Variants in BRAF observed in about 807,000 individuals in gnomAD.
BRAF encodes the protein serine/threonine-protein kinase B-raf.
In BRAF, 16 loss-of-function variants were observed where a neutral mutation model predicts 104.6. The ratio of observed to expected loss-of-function variants is 0.15; its 90% confidence interval spans 0.10 to 0.23. The LOEUF is 0.23. Among genes scored for constraint, BRAF ranks in the 10% least tolerant of loss-of-function variants. The pLI, the probability that BRAF is intolerant of heterozygous loss-of-function variation, is 1.00. For missense variants in BRAF, 541 were observed against 937.3 expected (o/e 0.58, Z 5.52); for synonymous variants, 310 against 341.6 (o/e 0.91, Z 1.02).
chr7:140,767,162 C>A (rs1025407646), intron 14 of BRAF, among the ~76,000 whole-genome samples: 40 of 152,032 alleles, frequency 2.6e-4, no homozygotes, highest in African/African-American at 9.6e-4. Context: ...GACCACCACG[C>A]CTGGCTAATT....
At chr7:140,768,322 C>G (rs556736365) in intron 14 of BRAF, among the ~76,000 whole-genome samples, 1 of 152,266 alleles carries the variant, frequency 6.6e-6, no homozygotes, top group East Asian at 1.9e-4. Context: ...CATAATCAGA[C>G]CCATTAAAAC....
At chr7:140,733,705 A>C (rs566068905) in intron 19 of BRAF, 1 of 152,502 alleles carries the variant, frequency 6.6e-6, no homozygotes, top group South Asian at 2.1e-4. Context: ...TCTAATAACA[A>C]CTTTAAAAAA....
At chr7:140,910,379 C>G (rs939976808) in intron 1 of BRAF, among the ~76,000 whole-genome samples, 4 of 152,244 alleles carry the variant, frequency 2.6e-5, no homozygotes, top group Admixed American at 2.0e-4. Context: ...CCCATGTCTT[C>G]TTGATCTGTT....
chr7:140,891,615 C>A (rs140943309), intron 1 of BRAF, among the ~76,000 whole-genome samples: 1 of 152,160 alleles, frequency 6.6e-6, no homozygotes, highest in East Asian at 1.9e-4. Context: ...TTGGGTGGGG[C>A]AATTCTTTGC....
Position 140,733,771 on chromosome 7 carries a change from G to A in BRAF, c.2401+846C>T, listed in dbSNP as rs71645995. ...ATCTCAAAGAAAAACACACCTAAAAGTTCTCACAGAATTCTGTGAAGATTT... is the reference window on the plus strand; with the variant it reads ...ATCTCAAAGAAAAACACACCTAAAAATTCTCACAGAATTCTGTGAAGATTT... On this transcript the variant is annotated intron_variant, in intron 19 of 19. Transcript: ENST00000644969. 24 of 158,990 alleles carry A rather than the reference G, an allele frequency of 1.5e-4. No individual in the cohort carries two copies. In the East Asian group the frequency reaches 3.9e-3, roughly 26 times the overall value. The allele number at this position is 158,990 out of a possible 1,614,324, so 9.8% of individuals were successfully genotyped here.
chr7:140,844,507 C>A (rs17622717), intron 2 of BRAF, among the ~76,000 whole-genome samples: 8,487 of 152,262 alleles, frequency 0.056, 283 homozygotes, highest in South Asian at 0.11. Flanking sequence ...TCTTAACTGT[C>A]CACTCATATT....
Position 140,801,402 on chromosome 7 carries a change from G to T in BRAF, c.860+10C>A. On this transcript the variant is annotated intron_variant, in intron 6 of 19. Transcript: ENST00000644969. ...GGTAGGTAGAAAAGAGATATTTTTG[G>T]ATTACTTACTCAAGTTGGTCATAAT... 6.2e-7 allele frequency: 1 copy of T among 1,613,220 alleles called. No individual in the cohort carries two copies. Among genetic ancestry groups the T allele is most frequent in the Non-Finnish European group, 8.5e-7 (1 of 1,179,354 alleles).
chr7:140,845,798 C>T (rs1808480932), intron 2 of BRAF, among the ~76,000 whole-genome samples: 1 of 152,146 alleles, frequency 6.6e-6, no homozygotes. Flanking sequence ...CTGCCTCAGC[C>T]TCCTGAATTG....
intron 1 of BRAF, among the ~76,000 whole-genome samples, chr7:140,909,013 C>G (rs867147535): frequency 7.6e-5 from 10 of 131,426 alleles, no homozygotes; most frequent in Non-Finnish European, 1.4e-4. Flanking sequence ...TTTTTTAATA[C>G]TGTTTCCAAG....
Position 140,874,702 on chromosome 7 carries a change from G to T in BRAF, c.139-24490C>A, listed in dbSNP as rs563925759. Among the ~76,000 whole-genome samples the T allele has an allele frequency of 2.0e-5, 3 of 152,120 alleles. No homozygotes were observed. In the South Asian group the frequency reaches 6.2e-4, roughly 32 times the overall value. On this transcript the variant is annotated intron_variant, in intron 1 of 19. Coordinates refer to ENST00000644969, the MANE Select transcript of BRAF (RefSeq NM_001374258.1). ...AACCAGGTCTCCAATTGATGTAGCTGTGGGGATTAAAATAAAATGAACAGA... is the reference window on the plus strand; with the variant it reads ...AACCAGGTCTCCAATTGATGTAGCTTTGGGGATTAAAATAAAATGAACAGA...
chr7:140,787,636 A>G, intron 8 of BRAF, 52 bp from the exon 9 acceptor site: 1 of 1,490,148 alleles, frequency 6.7e-7, no homozygotes, highest in Non-Finnish European at 9.3e-7. Context: ...ATAATCAGAG[A>G]GTAGCGATAA....
intron 1 of BRAF, among the ~76,000 whole-genome samples, chr7:140,891,445 T>C (rs191175231): frequency 1.3e-5 from 2 of 152,364 alleles, no homozygotes; most frequent in Non-Finnish European, 2.9e-5. Flanking sequence ...TAATGACTAA[T>C]ATAATGTAAA....
At chr7:140,754,333 A>G (rs1346079586) in intron 14 of BRAF, 100 bp from the exon 14 acceptor site, 3 of 975,802 alleles carry the variant, frequency 3.1e-6, no homozygotes, top group Admixed American at 3.5e-5. Context: ...ATTTAGAATC[A>G]TGATACAACT....
At chr7:140,819,251 T>C (rs1320070157) in intron 3 of BRAF, among the ~76,000 whole-genome samples, 1 of 152,142 alleles carries the variant, frequency 6.6e-6, no homozygotes, top group Non-Finnish European at 1.5e-5. Context: ...TCCACAAAGA[T>C]ATATAAAAGC....
chr7:140,871,844 T>C (rs900801777), intron 1 of BRAF, among the ~76,000 whole-genome samples: 2 of 152,214 alleles, frequency 1.3e-5, no homozygotes, highest in African/African-American at 4.8e-5. Flanking sequence ...CTGGCTAATA[T>C]ACTGCATAGC....
intron 1 of BRAF, among the ~76,000 whole-genome samples, chr7:140,909,842 C>CAAAA (rs1305356144): frequency 6.8e-6 from 1 of 148,042 alleles, no homozygotes; most frequent in Non-Finnish European, 1.5e-5. Flanking sequence ...ACAACAACAA[C>CAAAA]AACAAAAAAG....
At chr7:140,862,882 CTG>C (rs1040100880) in intron 1 of BRAF, among the ~76,000 whole-genome samples, 7 of 152,164 alleles carry the variant, frequency 4.6e-5, no homozygotes, top group South Asian at 2.1e-4. Context: ...CTCAATAAAA[CTG>C]TTATTTTTTA....
intron 1 of BRAF, among the ~76,000 whole-genome samples, chr7:140,879,734 C>CTT (rs111477938): frequency 2.1e-5 from 3 of 141,702 alleles, no homozygotes; most frequent in African/African-American, 5.2e-5. Flanking sequence ...CAATTTCTTT[C>CTT]TTTTTTTTTT....
chr7:140,922,911 T>C (rs538641662), intron 1 of BRAF, among the ~76,000 whole-genome samples: 1 of 151,856 alleles, frequency 6.6e-6, no homozygotes, highest in African/African-American at 2.4e-5. Flanking sequence ...CAGAATAAAC[T>C]AGGAAATTGA....
Sources: allele counts gnomAD v4.1 joint callset (sites outside exome capture counted in the v4.1 genomes callset), GRCh38; gene constraint gnomAD v4.1.1; transcripts MANE v1.5; gene names NCBI Gene and HGNC (gene_info 2026-07-23, HGNC 2026-07-21).